ADRA1B: variants seen among roughly 807,000 people sequenced by gnomAD.
ADRA1B encodes the protein adrenoceptor alpha 1B.
ADRA1B carries 17 observed loss-of-function variants against 17.9 expected under a neutral mutation model. The observed-to-expected ratio is 0.95, with a 90% confidence interval of 0.65 to 1.42. The LOEUF (loss-of-function observed/expected upper bound fraction) is 1.42, where lower values mean the gene tolerates loss of function less well. ADRA1B is among the 40% of genes most tolerant of loss of function. The pLI is 0.00. For missense variants in ADRA1B, 681 were observed against 722.1 expected (o/e 0.94, Z 0.65); for synonymous variants, 366 against 327.6 (o/e 1.12, Z -1.27).
chr5:159,881,483 A>T (rs1429110093), intron 1 of ADRA1B, among the ~76,000 whole-genome samples: 1 of 152,140 alleles, frequency 6.6e-6, no homozygotes, highest in East Asian at 1.9e-4. Flanking sequence ...TCCCAAAGAC[A>T]TACCCCCTCA....
At chr5:159,943,340 T>C (rs1237386233) in intron 1 of ADRA1B, among the ~76,000 whole-genome samples, 3 of 152,156 alleles carry the variant, frequency 2.0e-5, no homozygotes, top group African/African-American at 7.2e-5. Flanking sequence ...AATGAGGTAC[T>C]TTTTCTGTTT....
intron 1 of ADRA1B, chr5:159,951,251 G>T: frequency 1.0e-6 from 1 of 974,420 alleles, no homozygotes; most frequent in African/African-American, 1.6e-5. Context: ...ATTTGATTTT[G>T]GAGGGATCTT....
chr5:159,923,736 G>C (rs568233296), intron 1 of ADRA1B, among the ~76,000 whole-genome samples: 1 of 152,360 alleles, frequency 6.6e-6, no homozygotes, highest in East Asian at 1.9e-4. Flanking sequence ...CTGGAGGAGG[G>C]GGCTGTTTTT....
intron 1 of ADRA1B, among the ~76,000 whole-genome samples, chr5:159,943,912 T>TCACACACACACACACA (rs70987984): frequency 6.8e-6 from 1 of 147,442 alleles, no homozygotes; most frequent in Non-Finnish European, 1.5e-5. Context: ...TCTGTCTCTC[T>TCACACACACACACACA]CACACACACA....
chr5:159,905,532 A>G lies in ADRA1B; in HGVS notation c.-255-10587A>G, dbSNP rs1386087780. Among the ~76,000 whole-genome samples, 12 of 152,354 alleles carry G rather than the reference A, an allele frequency of 7.9e-5. No individual in the cohort carries two copies. In the South Asian group the frequency reaches 1.9e-3, roughly 24 times the overall value. On this transcript the variant is annotated intron_variant, in intron 1 of 2. Coordinates refer to the ADRA1B transcript ENST00000641205. ...TCATTCACTCACTCATCTAATAAAT[A>G]TTTACTGAGCACTTACTAACCATTA...
intron 1 of ADRA1B, among the ~76,000 whole-genome samples, chr5:159,874,078 G>T (rs1581015896): frequency 6.6e-6 from 1 of 152,122 alleles, no homozygotes; most frequent in Middle Eastern, 3.4e-3. Context: ...GGGCTATTGG[G>T]GTCTTCTCTC....
intron 1 of ADRA1B, chr5:159,947,564 T>C (rs2113251127): frequency 6.7e-6 from 2 of 297,210 alleles, no homozygotes; most frequent in Middle Eastern, 1.7e-3. Flanking sequence ...GTTGTTGCAA[T>C]AAGCCTCATT....
At chr5:159,926,902 A>T (rs972704788) in intron 1 of ADRA1B, among the ~76,000 whole-genome samples, 2 of 152,104 alleles carry the variant, frequency 1.3e-5, no homozygotes, top group African/African-American at 4.8e-5. Context: ...TATTAAATTA[A>T]ATTAAATTAA....
At position 159,950,719 on chromosome 5, in the gene ADRA1B, A is replaced by G. The variant is rs1196198120; in HGVS notation, c.950-21160A>G. On this transcript the variant is annotated intron_variant, in intron 1 of 1. Coordinates refer to ENST00000306675, the MANE Select transcript of ADRA1B (RefSeq NM_000679.4). ...GGGACACTCCAATGCTCACTTCACCACCTTCTTAATGTCATCATATTTGGC... is the reference window on the plus strand; with the variant it reads ...GGGACACTCCAATGCTCACTTCACCGCCTTCTTAATGTCATCATATTTGGC... 1.0e-5 allele frequency: 7 copies of G among 677,518 alleles called. No individual in the cohort carries two copies. The Admixed American group carries it at 1.4e-4, about 14-fold the overall frequency. 42.0% of individuals were successfully genotyped at this position (677,518 alleles called of 1,614,324 possible).
intron 1 of ADRA1B, among the ~76,000 whole-genome samples, chr5:159,880,912 A>G (rs888305587): frequency 4.6e-5 from 7 of 152,206 alleles, no homozygotes; most frequent in African/African-American, 1.7e-4. Context: ...GGTAAATATC[A>G]GTTGAGTGAA....
chr5:159,937,264 A>G (rs565505553), intron 1 of ADRA1B, among the ~76,000 whole-genome samples: 1 of 152,312 alleles, frequency 6.6e-6, no homozygotes, highest in South Asian at 2.1e-4. Flanking sequence ...TGCTTGGCAC[A>G]TATTCCATAA....
chr5:159,949,756 A>G (rs1755373290), intron 1 of ADRA1B, among the ~76,000 whole-genome samples: 1 of 152,248 alleles, frequency 6.6e-6, no homozygotes, highest in Non-Finnish European at 1.5e-5. Flanking sequence ...AAGATCTCAG[A>G]GCAGATGGAC....
chr5:159,957,231 T>C (rs1755571801), intron 1 of ADRA1B, among the ~76,000 whole-genome samples: 1 of 152,124 alleles, frequency 6.6e-6, no homozygotes, highest in Admixed American at 6.5e-5. Flanking sequence ...AGGCCAGGCA[T>C]GGTGGCTCAC....
chr5:159,931,799 A>T (rs1581044144), intron 1 of ADRA1B, among the ~76,000 whole-genome samples: 2 of 152,242 alleles, frequency 1.3e-5, no homozygotes, highest in Admixed American at 6.5e-5. Flanking sequence ...AGAAGGGGCA[A>T]ACAGGCTCTC....
chr5:159,958,023 T>C (rs868129123), intron 1 of ADRA1B, among the ~76,000 whole-genome samples: 1 of 151,626 alleles, frequency 6.6e-6, no homozygotes, highest in East Asian at 1.9e-4. Flanking sequence ...TTTCTCCCAA[T>C]TCTTCTTTTG....
intron 1 of ADRA1B, among the ~76,000 whole-genome samples, chr5:159,966,279 A>G (rs1180885235): frequency 6.6e-6 from 1 of 152,258 alleles, no homozygotes; most frequent in Non-Finnish European, 1.5e-5. Flanking sequence ...CTATTCATGC[A>G]GAGTTGACTG....
intron 1 of ADRA1B, chr5:159,951,123 C>G: frequency 1.3e-6 from 1 of 745,052 alleles, no homozygotes; most frequent in East Asian, 2.5e-5. Flanking sequence ...ATGGGGGCAT[C>G]AGCAGAGGGG....
At chr5:159,982,039 C>T in the ADRA1B span, among the ~76,000 whole-genome samples, 1 of 146,438 alleles carries the variant, frequency 6.8e-6, no homozygotes, top group East Asian at 1.9e-4. Flanking sequence ...CTTTCTTTCT[C>T]GGAATGCTCA....
At chr5:159,960,166 A>G (rs528664272) in intron 1 of ADRA1B, among the ~76,000 whole-genome samples, 4 of 152,252 alleles carry the variant, frequency 2.6e-5, no homozygotes, top group Non-Finnish European at 4.4e-5. Context: ...CTGCTTTCAC[A>G]CTTCAGAGGA....
Sources: gnomAD v4.1 joint callset for allele counts (sites outside exome capture counted in the v4.1 genomes callset) on GRCh38, gnomAD v4.1.1 for gene constraint, MANE v1.5 for transcripts, NCBI Gene and HGNC (gene_info 2026-07-23, HGNC 2026-07-21) for gene names.